The following NCL variants were observed in gnomAD, a reference collection of about 807,000 sequenced individuals.
The protein encoded by NCL is nucleolin multifunctional protein.
Under a neutral mutation model 77.7 loss-of-function variants are expected in NCL, and 4 were observed. That is an observed-to-expected ratio of 0.05 (90% CI 0.03 to 0.12). The LOEUF (loss-of-function observed/expected upper bound fraction) is 0.12, where lower values mean the gene tolerates loss of function less well. Ranked by LOEUF, NCL falls within the 10% of genes least tolerant of loss-of-function variation. The pLI is 1.00. For missense variants in NCL, 763 were observed against 860.9 expected, an observed-to-expected ratio of 0.89 and a Z score of 1.42; for synonymous variants, 344 against 297.8, an observed-to-expected ratio of 1.16 and a Z score of -1.60.
intron 5 of NCL, 49 bp from the exon 6 acceptor site, chr2:231,460,342 T>TA (rs758220352): frequency 1.7e-5 from 28 of 1,613,014 alleles, no homozygotes; most frequent in Non-Finnish European, 1.9e-5. Context: ...GGTAAAAAGT[T>TA]AGTTTCCAAA....
chr2:231,455,814 A>T (rs527862159), intron 12 of NCL, 190 bp from the exon 13 acceptor site: 2 of 1,156,640 alleles, frequency 1.7e-6, no homozygotes, highest in African/African-American at 3.0e-5. Flanking sequence ...GTCTCACAAT[A>T]CAGCTAAATA....
Position 231,455,084 on chromosome 2 carries a change from T to C in NCL, c.*107A>G, listed in dbSNP as rs1270300232. On this transcript the variant is annotated 3_prime_UTR_variant, in exon 14 of 14. Coordinates refer to ENST00000322723, the MANE Select transcript of NCL (RefSeq NM_005381.3). ...GATTTCCAAGGAGACCACAGGACTG[T>C]ATACTGTCTTGGAATGTCCTCAGAA... is the stretch of plus-strand genomic sequence containing the variant. The C allele has an allele frequency of 8.1e-7, 1 of 1,234,840 alleles. No homozygotes were observed. The highest frequency in any genetic ancestry group is 1.2e-6 in the Non-Finnish European group (1 of 846,752). 76.5% of individuals were successfully genotyped at this position (1,234,840 alleles called of 1,614,324 possible). A position where few individuals can be genotyped will look rare whatever the true frequency, so the allele number is the denominator to read the frequency against.
rs760478500 is a variant in NCL, at chr2:231,461,661, ATCC to A, written c.489_491del (p.Glu163del). 15 of 1,610,728 alleles carry A rather than the reference ATCC, an allele frequency of 9.3e-6. No homozygotes were observed. Among genetic ancestry groups the A allele is most frequent in the Non-Finnish European group, 1.3e-5 (15 of 1,177,250 alleles). On this transcript the variant is annotated inframe_deletion, in exon 3 of 14. Transcript: ENST00000322723. ...CTGGTTCAATTTCATCTTCATCCTC[ATCC>A]TCGTCCTCGTCATCCTCCTCATCCT...
chr2:231,457,492 A>G (rs879382767), intron 9 of NCL, 151 bp downstream of exon 9: 221 of 852,378 alleles, frequency 2.6e-4, no homozygotes, highest in Non-Finnish European at 3.4e-4. Context: ...ACTATTCCAA[A>G]TAAGAGTATG....
rs1291781709 is a variant in NCL at position 231,458,376 on chromosome 2, T to C, written c.1179A>G (p.Arg393=). 1 of 1,613,620 alleles carries C rather than the reference T, an allele frequency of 6.2e-7. No homozygotes were observed. Among genetic ancestry groups the C allele is most frequent in the East Asian group, 2.2e-5 (1 of 44,864 alleles). ...GKDSKKERDA[R]TLLAKNLPYK... is the part of the protein sequence containing the mutation. ...AAGGGAGATTTTTAGCCAAAAGTGT[T>C]CTCGCATCTCGCTCTAGATTAAAAA... The change falls in exon 8 of 14, where the codon AGA becomes AGG. Residue 393 remains arginine (R), a synonymous_variant. Coordinates refer to ENST00000322723, the MANE Select transcript of NCL (RefSeq NM_005381.3).
chr2:231,458,579 C>T lies in NCL; in HGVS notation c.1166-190G>A, dbSNP rs886940321. ...CACAAGTGGTCCCTCCATGTTGTCA[C>T]AGCTGATGTCAAACTCTCTGTTAGG... On this transcript the variant is annotated intron_variant, in intron 7 of 13. Coordinates refer to ENST00000322723, the MANE Select transcript of NCL (RefSeq NM_005381.3). 8.6e-6 allele frequency: 6 copies of T among 696,868 alleles called. No individual in the cohort carries two copies. The African/African-American group carries it at 9.0e-5, about 10-fold the overall frequency. 43.2% of individuals were successfully genotyped at this position (696,868 alleles called of 1,614,324 possible).
chr2:231,461,016 C>A (rs1035956154), intron 3 of NCL, 150 bp from the exon 4 acceptor site: 2 of 699,202 alleles, frequency 2.9e-6, no homozygotes, highest in Non-Finnish European at 4.9e-6. Flanking sequence ...CAGTGGCTCA[C>A]GCCTGTAATC....
chr2:231,456,539 G>A, intron 11 of NCL, 92 bp downstream of exon 11: 3 of 1,558,650 alleles, frequency 1.9e-6, no homozygotes, highest in Non-Finnish European at 2.7e-6. Flanking sequence ...TGTTCACTCA[G>A]TAGCAACAGG....
chr2:231,456,244 A>G, intron 11 of NCL, 108 bp from the exon 12 acceptor site: 1 of 1,395,052 alleles, frequency 7.2e-7, no homozygotes, highest in Admixed American at 2.2e-5. Context: ...TATAGTGAAA[A>G]AGCAGTTAAA....
intron 12 of NCL, 87 bp downstream of exon 12, chr2:231,455,923 C>T (rs761752440): frequency 1.3e-6 from 2 of 1,593,888 alleles, no homozygotes; most frequent in East Asian, 2.2e-5. Flanking sequence ...CAGAAAGGAG[C>T]TCAATGAGAA....
intron 9 of NCL, 109 bp from the exon 10 acceptor site, chr2:231,457,233 A>G (rs2046899586): frequency 6.9e-7 from 1 of 1,456,464 alleles, no homozygotes; most frequent in African/African-American, 1.4e-5. Context: ...GTTAATATAC[A>G]AATACTCATG....
Position 231,457,656 on chromosome 2 carries a change from A to G in NCL, c.1434T>C (p.Asn478=). The G allele has an allele frequency of 1.2e-6, 2 of 1,601,044 alleles. No individual in the cohort carries two copies. Among genetic ancestry groups the G allele is most frequent in the Admixed American group, 3.4e-5 (2 of 58,080 alleles). The change falls in exon 9 of 14, where the codon AAT becomes AAC. Residue 478 remains asparagine, a synonymous_variant. Coordinates refer to ENST00000322723, the MANE Select transcript of NCL (RefSeq NM_005381.3). ...CTAATTTCTTACCACTCCAAGTGCT[A>G]TTCTTTCCACCTCTATAGTCTTGAT... ...GQNQDYRGGK[N]STWSGESKTL... is the part of the protein sequence containing the mutation.
intron 10 of NCL, 54 bp from the exon 11 acceptor site, chr2:231,456,818 C>T (rs539375826): frequency 1.2e-6 from 2 of 1,605,148 alleles, no homozygotes; most frequent in Non-Finnish European, 1.7e-6. Flanking sequence ...TGCTCCTTCA[C>T]TGTCACATGA....
At chr2:231,457,952 C>T (rs1013642476) in intron 8 of NCL, 152 bp from the exon 9 acceptor site, 45 of 795,706 alleles carry the variant, frequency 5.7e-5, no homozygotes, top group Non-Finnish European at 7.9e-5. Context: ...TTCCCTCTTA[C>T]TTCCCACTAG....
At chr2:231,455,646 C>T in intron 12 of NCL, 22 bp from the exon 13 acceptor site, 1 of 1,612,050 alleles carries the variant, frequency 6.2e-7, no homozygotes, top group Non-Finnish European at 8.5e-7. Flanking sequence ...AATGAAATTG[C>T]CCATTATAAA....
intron 6 of NCL, among the ~76,000 whole-genome samples, chr2:231,459,631 G>T (rs985499594): frequency 6.6e-6 from 1 of 151,848 alleles, no homozygotes; most frequent in Non-Finnish European, 1.5e-5. Context: ...AAACTTACTG[G>T]CAGGGTGGCT....
In NCL at chr2:231,457,805, A is replaced by C; in HGVS notation, c.1290-5T>G. ...TTAAATTCAATATAAGCAATCCTGC[A>C]ATGGAGGGAGAAGAACTCATGGTTT... On this transcript the variant is annotated splice_polypyrimidine_tract_variant and splice_region_variant and intron_variant, in intron 8 of 13. Transcript: ENST00000322723. The C allele has an allele frequency of 6.3e-7, 1 of 1,596,784 alleles. No homozygotes were observed. Among genetic ancestry groups the C allele is most frequent in the Non-Finnish European group, 8.5e-7 (1 of 1,170,488 alleles).
At chr2:231,455,960 G>T in intron 12 of NCL, 50 bp downstream of exon 12, 1 of 1,613,802 alleles carries the variant, frequency 6.2e-7, no homozygotes, top group Non-Finnish European at 8.5e-7. Flanking sequence ...GGTCTGCACA[G>T]AACAAAAACC....
chr2:231,456,546 C>T, intron 11 of NCL, 85 bp downstream of exon 11: 1 of 1,580,168 alleles, frequency 6.3e-7, no homozygotes, highest in Non-Finnish European at 8.7e-7. Context: ...TCAGTAGCAA[C>T]AGGAAACACA....
Sources: allele counts gnomAD v4.1 joint callset (sites outside exome capture counted in the v4.1 genomes callset), GRCh38; gene constraint gnomAD v4.1.1; transcripts MANE v1.5; gene names NCBI Gene and HGNC (gene_info 2026-07-23, HGNC 2026-07-21).